Variants in ST6GAL1 observed in about 807,000 individuals in gnomAD.
ST6GAL1 encodes ST6 beta-galactoside alpha-2,6-sialyltransferase 1.
Under a neutral mutation model 38.0 loss-of-function variants are expected in ST6GAL1, and 20 were observed. The ratio of observed to expected loss-of-function variants is 0.53; its 90% CI spans 0.37 to 0.77. The LOEUF is 0.77. Among genes scored for constraint, ST6GAL1 ranks in the 30% least tolerant of loss-of-function variants. The pLI is 0.00. For synonymous variants in ST6GAL1, 196 were observed against 188.2 expected, an observed-to-expected ratio of 1.04 and a Z score of -0.34; for missense variants, 432 against 496.4, an observed-to-expected ratio of 0.87 and a Z score of 1.23.
intron 2 of ST6GAL1, among the ~76,000 whole-genome samples, chr3:187,034,193 C>A (rs1717850377): frequency 6.6e-6 from 1 of 152,046 alleles, no homozygotes; most frequent in Admixed American, 6.6e-5. Context: ...CACAATCTTT[C>A]AAGATTGAAT....
intron 2 of ST6GAL1, among the ~76,000 whole-genome samples, chr3:186,980,488 G>A (rs1163886847): frequency 2.0e-5 from 3 of 151,772 alleles, no homozygotes; most frequent in East Asian, 1.9e-4. Flanking sequence ...GGATGGGCGC[G>A]GTGGCTCACG....
intron 4 of ST6GAL1, 37 bp from the exon 5 acceptor site, chr3:187,051,212 G>T: frequency 6.4e-7 from 1 of 1,569,164 alleles, no homozygotes; most frequent in Non-Finnish European, 8.8e-7. Context: ...TATTGCCAGT[G>T]CTCATCACCT....
In ST6GAL1 at chr3:187,043,126, C is replaced by G. The variant is rs1718184418; in HGVS notation, c.423C>G (p.Arg141=). ...TCAAGTTCAGTGCAGAGGCCCTGCG[C>G]TGCCACCTCCGGGACCATGTGAATG... ...PGIKFSAEAL[R]CHLRDHVNVS... The change falls in exon 4 of 8, where the codon CGC becomes CGG. Residue 141 remains arginine, a synonymous_variant. Coordinates refer to ENST00000169298, the MANE Select transcript of ST6GAL1 (RefSeq NM_173216.2). 3.1e-6 allele frequency: 5 copies of G among 1,614,242 alleles called. No homozygotes were observed. The highest frequency in any genetic ancestry group is 4.2e-6 in the Non-Finnish European group (5 of 1,180,040).
chr3:186,967,139 T>A (rs1189726264), intron 2 of ST6GAL1, among the ~76,000 whole-genome samples: 1 of 152,204 alleles, frequency 6.6e-6, no homozygotes, highest in Non-Finnish European at 1.5e-5. Context: ...AGAAATTATG[T>A]CTCAAGTAGC....
At chr3:187,054,822 T>C (rs1189812860) in intron 5 of ST6GAL1, among the ~76,000 whole-genome samples, 1 of 152,220 alleles carries the variant, frequency 6.6e-6, no homozygotes, top group Non-Finnish European at 1.5e-5. Context: ...TAAAATGAAT[T>C]AGGGAGGATT....
At chr3:187,038,207 T>C (rs1192069890) in intron 2 of ST6GAL1, among the ~76,000 whole-genome samples, 1 of 149,520 alleles carries the variant, frequency 6.7e-6, no homozygotes, top group African/African-American at 2.4e-5. Flanking sequence ...CTTTTTTTTT[T>C]TTTTTTTTTT....
chr3:187,001,165 G>C (rs957135121), intron 2 of ST6GAL1, among the ~76,000 whole-genome samples: 6 of 152,178 alleles, frequency 3.9e-5, no homozygotes. Context: ...GCACAGAAGC[G>C]AGGTAGAACT....
chr3:187,071,092 G>GT (rs1719354001), intron 5 of ST6GAL1, among the ~76,000 whole-genome samples: 1 of 152,184 alleles, frequency 6.6e-6, no homozygotes, highest in African/African-American at 2.4e-5. Flanking sequence ...TCTTGCCATA[G>GT]TTTTTTCCAG....
chr3:186,990,137 G>C (rs541104496), intron 2 of ST6GAL1, among the ~76,000 whole-genome samples: 1 of 152,232 alleles, frequency 6.6e-6, no homozygotes, highest in Admixed American at 6.5e-5. Context: ...AGGTTCAAGC[G>C]ATTCTCCTGC....
intron 2 of ST6GAL1, among the ~76,000 whole-genome samples, chr3:186,990,992 C>T (rs913242095): frequency 7.2e-5 from 11 of 152,080 alleles, no homozygotes; most frequent in African/African-American, 9.7e-5. Flanking sequence ...ACAGTATTGG[C>T]GTGAATCAGC....
chr3:187,002,574 C>T (rs985244299), intron 2 of ST6GAL1, among the ~76,000 whole-genome samples: 1 of 152,194 alleles, frequency 6.6e-6, no homozygotes, highest in Non-Finnish European at 1.5e-5. Flanking sequence ...GGCTTTCTTG[C>T]CGCTAAGCAT....
intron 2 of ST6GAL1, among the ~76,000 whole-genome samples, chr3:186,997,749 T>C (rs1716467357): frequency 7.7e-6 from 1 of 130,326 alleles, no homozygotes; most frequent in African/African-American, 2.9e-5. Context: ...AGTGAGACTC[T>C]GTCTCAAAAA....
intron 5 of ST6GAL1, among the ~76,000 whole-genome samples, chr3:187,069,389 C>T (rs1210952708): frequency 2.0e-5 from 3 of 152,184 alleles, no homozygotes; most frequent in Non-Finnish European, 4.4e-5. Flanking sequence ...AGCCCTCATC[C>T]TTGAACTTCA....
At chr3:186,982,212 TAG>T (rs1455248973) in intron 2 of ST6GAL1, among the ~76,000 whole-genome samples, 2 of 152,226 alleles carry the variant, frequency 1.3e-5, no homozygotes, top group African/African-American at 2.4e-5. Context: ...GGAAGAAATT[TAG>T]AGATTGGTTA....
chr3:186,956,482 T>C (rs988750704), intron 1 of ST6GAL1, among the ~76,000 whole-genome samples: 3 of 152,200 alleles, frequency 2.0e-5, no homozygotes, highest in Admixed American at 6.5e-5. Flanking sequence ...AAGAGGGGCA[T>C]GTGTGAAATG....
chr3:186,950,885 T>A (rs1006388831), intron 1 of ST6GAL1, among the ~76,000 whole-genome samples: 1 of 152,234 alleles, frequency 6.6e-6, no homozygotes, highest in Non-Finnish European at 1.5e-5. Flanking sequence ...TAGGTGGTGA[T>A]AAAAACAAAC....
intron 2 of ST6GAL1, among the ~76,000 whole-genome samples, chr3:187,037,449 GT>G (rs1486611799): frequency 6.6e-6 from 1 of 151,994 alleles, no homozygotes; most frequent in East Asian, 1.9e-4. Flanking sequence ...TTTTATTGTA[GT>G]TACAGTATTT....
chr3:187,036,595 G>T (rs1314083678), intron 2 of ST6GAL1, among the ~76,000 whole-genome samples: 1 of 152,172 alleles, frequency 6.6e-6, no homozygotes, highest in African/African-American at 2.4e-5. Flanking sequence ...CATGCCCTTT[G>T]CAGCAACATG....
intron 1 of ST6GAL1, among the ~76,000 whole-genome samples, chr3:186,962,120 G>A (rs188392822): frequency 6.6e-6 from 1 of 152,240 alleles, no homozygotes; most frequent in African/African-American, 2.4e-5. Flanking sequence ...TTTGTTGTTC[G>A]CCCTGTTCTG....
Sources: gnomAD v4.1 joint callset for allele counts (sites outside exome capture counted in the v4.1 genomes callset) on GRCh38, gnomAD v4.1.1 for gene constraint, MANE v1.5 for transcripts, NCBI Gene and HGNC (gene_info 2026-07-23, HGNC 2026-07-21) for gene names.